The following UNC80 variants were observed in gnomAD, a reference collection of about 807,000 sequenced individuals.
The protein encoded by UNC80 is protein unc-80 homolog.
In UNC80, 164 loss-of-function variants were observed where a neutral mutation model predicts 384.6. The ratio of observed to expected loss-of-function variants is 0.43; its 90% CI spans 0.38 to 0.49. UNC80 has a LOEUF of 0.49. Among genes scored for constraint, UNC80 ranks in the 20% least tolerant of loss-of-function variants. UNC80 has a pLI of 0.00. For missense variants in UNC80, 3,330 were observed against 4,143.0 expected, an observed-to-expected ratio of 0.80 and a Z score of 5.39; for synonymous variants, 1,486 against 1,527.8, an observed-to-expected ratio of 0.97 and a Z score of 0.64.
chr2:209,968,438 T>C (rs1329756500), intron 52 of UNC80: 1 of 152,182 alleles, frequency 6.6e-6, no homozygotes, highest in Admixed American at 6.5e-5. Flanking sequence ...TAATGTTCAA[T>C]TCATCAGAAT....
intron 35 of UNC80, 144 bp from the exon 36 acceptor site, chr2:209,926,699 C>G (rs1239889162): frequency 1.0e-6 from 1 of 977,938 alleles, no homozygotes; most frequent in Non-Finnish European, 1.5e-6. Flanking sequence ...TCTCTTGAGC[C>G]CAAGAAGTCG....
At chr2:209,850,416 A>G (rs1427040068) in intron 22 of UNC80, among the ~76,000 whole-genome samples, 1 of 152,162 alleles carries the variant, frequency 6.6e-6, no homozygotes, top group Non-Finnish European at 1.5e-5. Context: ...TAGAACAAAA[A>G]ACTTTAAGCC....
intron 29 of UNC80, among the ~76,000 whole-genome samples, chr2:209,910,890 A>G (rs1230512358): frequency 6.6e-6 from 1 of 152,210 alleles, no homozygotes; most frequent in Non-Finnish European, 1.5e-5. Context: ...TGTGCCACAC[A>G]TAGCATCATC....
chr2:209,988,537 T>A (rs1342024169), intron 61 of UNC80, among the ~76,000 whole-genome samples: 1 of 152,176 alleles, frequency 6.6e-6, no homozygotes, highest in Non-Finnish European at 1.5e-5. Flanking sequence ...ATATAGTGCA[T>A]AAAAGATATA....
chr2:209,975,286 A>G (rs921361577), intron 56 of UNC80, among the ~76,000 whole-genome samples: 1 of 152,088 alleles, frequency 6.6e-6, no homozygotes, highest in Admixed American at 6.5e-5. Flanking sequence ...CCCATGGCAG[A>G]CTCCATGGTA....
In UNC80 at chr2:209,793,700, G is replaced by T. The variant is rs751181111; in HGVS notation, c.799-20G>T. ...AAAAACAAAAAACAAAACCTAATCTGCTATCTCTGCCTCCAAAAGGGACTC... is the reference window on the plus strand; with the variant it reads ...AAAAACAAAAAACAAAACCTAATCTTCTATCTCTGCCTCCAAAAGGGACTC... On this transcript the variant is annotated intron_variant, in intron 6 of 64. Transcript: ENST00000673920. 1.2e-6 allele frequency: 2 copies of T among 1,612,124 alleles called. No homozygotes were observed. The highest frequency in any genetic ancestry group is 1.1e-5 in the South Asian group (1 of 90,836).
intron 18 of UNC80, among the ~76,000 whole-genome samples, chr2:209,835,743 A>AT (rs751697667): frequency 1.3e-5 from 2 of 152,140 alleles, no homozygotes; most frequent in South Asian, 2.1e-4. Flanking sequence ...GTATTAAGTG[A>AT]TTTTTCTTCC....
chr2:209,818,827 G>A (rs1368560656), intron 11 of UNC80, among the ~76,000 whole-genome samples, 166 bp from the exon 12 acceptor site: 2 of 152,140 alleles, frequency 1.3e-5, no homozygotes, highest in Non-Finnish European at 2.9e-5. Flanking sequence ...GGCCTTAGTA[G>A]CTTCAGTAGT....
intron 13 of UNC80, among the ~76,000 whole-genome samples, chr2:209,822,558 CA>C (rs1483375784): frequency 6.8e-6 from 1 of 147,936 alleles, no homozygotes; most frequent in African/African-American, 2.6e-5. Context: ...AATTAGAAAC[CA>C]AAAAAAAGAG....
At chr2:209,854,631 A>C (rs1419412896) in intron 22 of UNC80, among the ~76,000 whole-genome samples, 1 of 152,192 alleles carries the variant, frequency 6.6e-6, no homozygotes, top group Non-Finnish European at 1.5e-5. Context: ...AAAAGTGGGC[A>C]AAGGATATGA....
chr2:209,819,882 T>C (rs1432586818), intron 12 of UNC80, among the ~76,000 whole-genome samples: 1 of 152,206 alleles, frequency 6.6e-6, no homozygotes, highest in Non-Finnish European at 1.5e-5. Flanking sequence ...GATACAGTCA[T>C]GAACGAGCAA....
intron 31 of UNC80, among the ~76,000 whole-genome samples, chr2:209,917,386 T>C (rs2089637540): frequency 1.3e-5 from 2 of 152,236 alleles, no homozygotes; most frequent in Non-Finnish European, 2.9e-5. Context: ...GTGTAGCTAA[T>C]GTAAATGAGG....
At chr2:209,882,302 AG>A (rs954684759) in intron 25 of UNC80, among the ~76,000 whole-genome samples, 1 of 152,084 alleles carries the variant, frequency 6.6e-6, no homozygotes, top group African/African-American at 2.4e-5. Flanking sequence ...GGCATGAGCA[AG>A]GCCGTGTCCC....
At chr2:209,978,225 C>T (rs772816766) in intron 58 of UNC80, among the ~76,000 whole-genome samples, 31 of 152,144 alleles carry the variant, frequency 2.0e-4, no homozygotes, top group Non-Finnish European at 3.1e-4. Flanking sequence ...ATTTAATTTG[C>T]ATCCTACCAA....
chr2:209,791,736 C>T (rs1030734045), intron 6 of UNC80, among the ~76,000 whole-genome samples: 5 of 129,804 alleles, frequency 3.9e-5, no homozygotes, highest in African/African-American at 1.1e-4. Context: ...AGGAGAATGG[C>T]GTGAACCTGG....
chr2:209,893,527 G>T (rs144059077), intron 26 of UNC80, among the ~76,000 whole-genome samples: 1 of 152,096 alleles, frequency 6.6e-6, no homozygotes, highest in Non-Finnish European at 1.5e-5. Flanking sequence ...TGGCTCGGGG[G>T]GGTTGCACCA....
intron 48 of UNC80, among the ~76,000 whole-genome samples, chr2:209,957,175 G>A (rs1042501843): frequency 6.6e-6 from 1 of 152,146 alleles, no homozygotes; most frequent in African/African-American, 2.4e-5. Flanking sequence ...ATGTGACTAG[G>A]AGAATTCTTT....
Position 209,998,901 on chromosome 2 carries a change from C to T in UNC80, c.*3306C>T, listed in dbSNP as rs2093520189. ...TTACTTTAGTGGGTCTCAACTGCAG[C>T]ATTTCAGAAACAAATTTTGATTTGA... On this transcript the variant is annotated 3_prime_UTR_variant, in exon 65 of 65. Coordinates refer to ENST00000673920, the MANE Select transcript of UNC80 (RefSeq NM_001371986.1). The T allele has an allele frequency of 6.6e-6, 1 of 152,118 alleles. No homozygotes were observed. Among genetic ancestry groups the T allele is most frequent in the African/African-American group, 2.4e-5 (1 of 41,418 alleles). The allele number at this position is 152,118 out of a possible 1,614,324, so 9.4% of individuals were successfully genotyped here.
intron 21 of UNC80, among the ~76,000 whole-genome samples, chr2:209,844,598 C>A (rs554051969): frequency 3.2e-4 from 47 of 146,676 alleles, no homozygotes; most frequent in African/African-American, 1.2e-3. Context: ...TTTCTTCCTT[C>A]TTTCTTTTTG....
Sources: gnomAD v4.1 joint callset for allele counts (sites outside exome capture counted in the v4.1 genomes callset) on GRCh38, gnomAD v4.1.1 for gene constraint, MANE v1.5 for transcripts, NCBI Gene and HGNC (gene_info 2026-07-23, HGNC 2026-07-21) for gene names.